The following PITPNA variants were observed in gnomAD, a reference collection of about 807,000 sequenced individuals.
The protein encoded by PITPNA is phosphatidylinositol transfer protein alpha.
PITPNA carries 13 observed loss-of-function variants against 50.3 expected under a neutral mutation model. The ratio of observed to expected loss-of-function variants is 0.26; its 90% CI spans 0.17 to 0.41. The LOEUF (loss-of-function observed/expected upper bound fraction) is 0.41. PITPNA is among the 10% of genes least tolerant of loss of function. PITPNA has a pLI of 1.00. For missense variants in PITPNA, 207 were observed against 333.4 expected (o/e 0.62, Z 2.95); for synonymous variants, 120 against 119.6 (o/e 1.00, Z -0.02).
At chr17:1,556,885 T>G (rs989375516) in intron 2 of PITPNA, among the ~76,000 whole-genome samples, 1 of 152,116 alleles carries the variant, frequency 6.6e-6, no homozygotes, top group Non-Finnish European at 1.5e-5. Context: ...GGAGGACTAC[T>G]TGAGGCAAGA....
chr17:1,520,759 G>GGGGCAGGGAGAGT (rs1170986439), intron 11 of PITPNA, among the ~76,000 whole-genome samples: 7 of 152,200 alleles, frequency 4.6e-5, no homozygotes, highest in Non-Finnish European at 7.3e-5. Flanking sequence ...TTGGGAACAT[G>GGGGCAGGGAGAGT]GGGCAGGGAG....
At chr17:1,545,916 CCTT>C (rs1327087302) in intron 4 of PITPNA, among the ~76,000 whole-genome samples, 2 of 121,594 alleles carry the variant, frequency 1.6e-5, no homozygotes, top group African/African-American at 3.3e-5. Context: ...CTGCATACTG[CCTT>C]TTTTTTTTTT....
chr17:1,521,174 G>A (rs1026765905), intron 11 of PITPNA, among the ~76,000 whole-genome samples: 1 of 152,174 alleles, frequency 6.6e-6, no homozygotes, highest in Non-Finnish European at 1.5e-5. Flanking sequence ...AACAAAAGCT[G>A]TCTGGCCAGC....
intron 1 of PITPNA, chr17:1,561,225 T>G (rs1452025293): frequency 2.6e-5 from 4 of 152,278 alleles, no homozygotes; most frequent in African/African-American, 7.2e-5. Flanking sequence ...CAACGATGGC[T>G]CATCTTGTAC....
rs899441210 is a variant in PITPNA at position 1,555,699 on chromosome 17, C to G, written c.52-2550G>C. ...ATGAAACACGTCATAAACAACAGTA[C>G]AGCTTTGGTCCCACCAACATGGCCC... On this transcript the variant is annotated intron_variant, in intron 2 of 11. Transcript: ENST00000313486. 9.9e-5 allele frequency among the ~76,000 whole-genome samples: 15 copies of G among 152,194 alleles called. No homozygotes were observed. The East Asian group carries it at 1.3e-3, about 14-fold the overall frequency.
Position 1,519,052 on chromosome 17 carries a change from C to T in PITPNA, c.*1509G>A, listed in dbSNP as rs2075492320. On this transcript the variant is annotated 3_prime_UTR_variant, in exon 12 of 12. Coordinates refer to ENST00000313486, the MANE Select transcript of PITPNA (RefSeq NM_006224.4). ...GTCCACCCTTGCCCCAGGAGGGCCA[C>T]AGGGAAGCATCCATCAGGATGTCAC... is the stretch of plus-strand genomic sequence containing the variant. 1 of 151,854 alleles carries T rather than the reference C, an allele frequency of 6.6e-6. No homozygotes were observed. Among genetic ancestry groups the T allele is most frequent in the African/African-American group, 2.4e-5 (1 of 41,418 alleles). 9.4% of individuals were successfully genotyped at this position (151,854 alleles called of 1,614,324 possible).
chr17:1,548,296 C>A lies in PITPNA; in HGVS notation c.289G>T (p.Val97Phe). The change falls in exon 4 of 12, where the codon GTT becomes TTT. Residue 97 changes from valine to phenylalanine, a missense_variant and splice_region_variant. By Grantham distance (50) the Val-to-Phe change is conservative. Coordinates refer to ENST00000313486, the MANE Select transcript of PITPNA (RefSeq NM_006224.4). ...CCGACGTGGCCCCGGCTGCACTCAC[C>A]GGTTCTGCAGTAGGGGTAAGCATTC... ...AWNAYPYCRT[V>F]ITNEYMKEDF... is the part of the protein sequence containing the mutation. The A allele has an allele frequency of 6.2e-7, 1 of 1,601,244 alleles. No individual in the cohort carries two copies.
chr17:1,558,626 T>C, intron 1 of PITPNA, 67 bp from the exon 2 acceptor site: 1 of 1,138,620 alleles, frequency 8.8e-7, no homozygotes, highest in South Asian at 1.3e-5. Context: ...CTTTAAAGCA[T>C]CATCCTAAAA....
intron 10 of PITPNA, among the ~76,000 whole-genome samples, chr17:1,533,477 G>C (rs1339683244): frequency 6.6e-6 from 1 of 152,164 alleles, no homozygotes; most frequent in Admixed American, 6.5e-5. Context: ...CACACAGTGA[G>C]TGCTTGAATG....
chr17:1,522,653 G>T (rs546273818), intron 10 of PITPNA, among the ~76,000 whole-genome samples: 1 of 152,222 alleles, frequency 6.6e-6, no homozygotes, highest in Non-Finnish European at 1.5e-5. Flanking sequence ...GATTACAGGC[G>T]TGAGCCACCG....
intron 10 of PITPNA, 29 bp from the exon 11 acceptor site, chr17:1,521,674 A>AGGCTCCTGCTGCTGATGG (rs2075513677): frequency 6.3e-7 from 1 of 1,594,658 alleles, no homozygotes; most frequent in Non-Finnish European, 8.6e-7. Flanking sequence ...GACAAATGGA[A>AGGCTCCTGCTGCTGATGG]GGCTCCTGCT....
In PITPNA at chr17:1,520,221, A is replaced by C. The variant is rs1376551699; in HGVS notation, c.*340T>G. 2.0e-5 allele frequency: 3 copies of C among 152,526 alleles called. No homozygotes were observed. The allele number at this position is 152,526 out of a possible 1,614,324, so 9.4% of individuals were successfully genotyped here. A position where few individuals can be genotyped will look rare whatever the true frequency, so the allele number is the denominator to read the frequency against. On this transcript the variant is annotated 3_prime_UTR_variant, in exon 12 of 12. Coordinates refer to ENST00000313486, the MANE Select transcript of PITPNA (RefSeq NM_006224.4). ...ACATCACAAAAGGCAGCTATTTGAA[A>C]GACTGAAAATGTCACTTGGAAATAA... is the stretch of plus-strand genomic sequence containing the variant.
chr17:1,525,950 A>G (rs2075545205), intron 10 of PITPNA, among the ~76,000 whole-genome samples: 1 of 152,248 alleles, frequency 6.6e-6, no homozygotes, highest in Non-Finnish European at 1.5e-5. Context: ...TCCTATGAGA[A>G]GGTCTGGGAG....
rs985217125 is a variant in PITPNA, at chr17:1,562,753, T to G, written c.-193A>C. The G allele has an allele frequency of 7.4e-5, 13 of 176,802 alleles. No individual in the cohort carries two copies. The highest frequency in any genetic ancestry group is 1.0e-4 in the Non-Finnish European group (9 of 89,800). The allele number at this position is 176,802 out of a possible 1,614,324, so 11.0% of individuals were successfully genotyped here. On this transcript the variant is annotated 5_prime_UTR_variant, in exon 1 of 12. Coordinates refer to ENST00000313486, the MANE Select transcript of PITPNA (RefSeq NM_006224.4). This position sits in a 1 kb window ranked among gnomAD's most constrained non-coding sequence, Gnocchi z 6.4. The stretch of plus-strand genomic sequence containing the variant: ...CGGGCCTCGTCGCCTCTCGCGCCGC[T>G]GCCGACGCCGCCCGGAGCTCCGGTT...
Position 1,519,792 on chromosome 17 carries a change from G to C in PITPNA, c.*769C>G, listed in dbSNP as rs938105301. The C allele has an allele frequency of 1.3e-5, 2 of 152,346 alleles. No homozygotes were observed. The highest frequency in any genetic ancestry group is 2.4e-5 in the African/African-American group (1 of 41,446). The allele number at this position is 152,346 out of a possible 1,614,324, so 9.4% of individuals were successfully genotyped here. ...GGCCACACTGGACAATTCCCTCCAA[G>C]TGGAGAGTTGACTGGGGCGATTTTG... On this transcript the variant is annotated 3_prime_UTR_variant, in exon 12 of 12. Coordinates refer to ENST00000313486, the MANE Select transcript of PITPNA (RefSeq NM_006224.4).
At chr17:1,552,523 C>T (rs1011899494) in intron 3 of PITPNA, among the ~76,000 whole-genome samples, 4 of 152,114 alleles carry the variant, frequency 2.6e-5, no homozygotes, top group Admixed American at 6.5e-5. Flanking sequence ...ATTTCTCTAG[C>T]GATCGATTTC....
At chr17:1,558,597 G>A in intron 1 of PITPNA, 38 bp from the exon 2 acceptor site, 1 of 1,484,278 alleles carries the variant, frequency 6.7e-7, no homozygotes. Context: ...ACTTTAGGCT[G>A]TGCAATCTGC....
At chr17:1,553,787 C>T (rs971818641) in intron 2 of PITPNA, among the ~76,000 whole-genome samples, 2 of 152,188 alleles carry the variant, frequency 1.3e-5, no homozygotes, top group East Asian at 3.8e-4. Flanking sequence ...GTAAAACTGG[C>T]TCATCTACTC....
At chr17:1,544,232 TTATA>T (rs1472976737) in intron 4 of PITPNA, among the ~76,000 whole-genome samples, 2 of 152,200 alleles carry the variant, frequency 1.3e-5, no homozygotes, top group African/African-American at 4.8e-5. Flanking sequence ...GGCATTCTGA[TTATA>T]ATTTGGTTTC....
Sources: allele counts gnomAD v4.1 joint callset (sites outside exome capture counted in the v4.1 genomes callset), GRCh38; gene constraint gnomAD v4.1.1; non-coding constraint Gnocchi (gnomAD v3.1); transcripts MANE v1.5; gene names NCBI Gene and HGNC (gene_info 2026-07-23, HGNC 2026-07-21).